CERT1: variants seen among roughly 807,000 people sequenced by gnomAD.
CERT1 encodes the protein ceramide transporter 1, also known as ceramide transfer protein.
CERT1 carries 31 observed loss-of-function variants against 87.9 expected under a neutral mutation model. The ratio of observed to expected loss-of-function variants is 0.35; its 90% CI spans 0.27 to 0.48. The LOEUF is 0.48. Among genes scored for constraint, CERT1 ranks in the 20% least tolerant of loss-of-function variants. The probability of loss-of-function intolerance (pLI) is 0.99; values close to 1 mark genes in which losing one functional copy is unlikely to be tolerated. For missense variants in CERT1, 487 were observed against 758.0 expected (o/e 0.64, Z 4.20); for synonymous variants, 289 against 250.9 (o/e 1.15, Z -1.44).
At chr5:75,403,184 GCAGT>G (rs1379269379) in intron 8 of CERT1, 126 bp from the exon 9 acceptor site, 38 of 664,736 alleles carry the variant, frequency 5.7e-5, no homozygotes, top group Non-Finnish European at 9.8e-5. Flanking sequence ...TATTTACAAA[GCAGT>G]CAGTATACTA....
intron 1 of CERT1, among the ~76,000 whole-genome samples, 189 bp downstream of exon 1, chr5:75,510,923 C>A (rs1292862258): frequency 1.3e-5 from 2 of 152,144 alleles, no homozygotes; most frequent in East Asian, 1.9e-4. Flanking sequence ...TCGGCTGCCC[C>A]CGACGAGCCC....
intron 3 of CERT1, among the ~76,000 whole-genome samples, chr5:75,456,684 A>G (rs986431118): frequency 6.6e-6 from 1 of 151,226 alleles, no homozygotes. Context: ...AAAAAAAAAA[A>G]AAGAAAGGGC....
intron 2 of CERT1, among the ~76,000 whole-genome samples, chr5:75,496,443 C>T (rs143989414): frequency 1.3e-5 from 2 of 152,256 alleles, no homozygotes; most frequent in African/African-American, 4.8e-5. Flanking sequence ...CATATACTTA[C>T]CTTACAACCT....
In CERT1 at chr5:75,389,624, A is replaced by G; in HGVS notation, c.1252T>C (p.Trp418Arg). The G allele has an allele frequency of 6.2e-7, 1 of 1,614,106 alleles. No individual in the cohort carries two copies. The highest frequency in any genetic ancestry group is 8.5e-7 in the Non-Finnish European group (1 of 1,179,966). Residue 418 changes from tryptophan to arginine, a missense_variant, in exon 12 of 17, where the codon TGG (tryptophan) becomes CGG (arginine). Physicochemically the swap from Trp to Arg is moderately radical, Grantham distance 101 (BLOSUM62 -3). Coordinates refer to ENST00000643780, the MANE Select transcript of CERT1 (RefSeq NM_001379029.1). Reference protein sequence around the residue: ...SLQDVGGDANWQLVVEEGEMK... With the variant: ...SLQDVGGDANRQLVVEEGEMK... ...TCTCCTTCTTCTACAACCAACTGCCAATTGGCATCTCCGCCTACATCCTGT... is the reference window on the plus strand; with the variant it reads ...TCTCCTTCTTCTACAACCAACTGCCGATTGGCATCTCCGCCTACATCCTGT...
intron 2 of CERT1, chr5:75,505,721 C>T (rs1204351866): frequency 4.1e-6 from 1 of 242,662 alleles, no homozygotes; most frequent in African/African-American, 2.2e-5. Context: ...AATAAAAAGG[C>T]TTCAAACATT....
At chr5:75,423,778 G>T (rs1196846897) in intron 5 of CERT1, among the ~76,000 whole-genome samples, 14 of 152,076 alleles carry the variant, frequency 9.2e-5, no homozygotes, top group Non-Finnish European at 2.1e-4. Flanking sequence ...AGTTAAATAT[G>T]CAAACTATAA....
At chr5:75,429,412 G>C (rs1478837919) in intron 3 of CERT1, among the ~76,000 whole-genome samples, 3 of 152,020 alleles carry the variant, frequency 2.0e-5, no homozygotes, top group Non-Finnish European at 4.4e-5. Flanking sequence ...ATGTTGGCCA[G>C]GCTAGTCTTC....
At position 75,436,234 on chromosome 5, in the gene CERT1, C is replaced by T. The variant is rs768591358; in HGVS notation, c.349-9756G>A. On this transcript the variant is annotated intron_variant, in intron 3 of 16. Transcript: ENST00000643780. ...ATTTTTAGTAGAGACAGAGTTTCAC[C>T]GTGTTAGCCAGGATGGTCTCGATCT... Among the ~76,000 whole-genome samples, 36 of 152,182 alleles carry T rather than the reference C, an allele frequency of 2.4e-4. No individual in the cohort carries two copies. The East Asian group carries it at 2.5e-3, about 11-fold the overall frequency.
chr5:75,482,888 A>G (rs182849748), intron 2 of CERT1, among the ~76,000 whole-genome samples: 7 of 152,256 alleles, frequency 4.6e-5, no homozygotes, highest in Non-Finnish European at 2.9e-5. Context: ...GTTCCCATTG[A>G]ACACTTGGAA....
intron 3 of CERT1, among the ~76,000 whole-genome samples, chr5:75,447,003 G>C (rs1469720695): frequency 6.6e-6 from 1 of 152,178 alleles, no homozygotes. Context: ...CTTGCAGTCA[G>C]AGCATAGATC....
At chr5:75,419,692 T>C (rs1763290994) in intron 5 of CERT1, among the ~76,000 whole-genome samples, 1 of 152,148 alleles carries the variant, frequency 6.6e-6, no homozygotes, top group African/African-American at 2.4e-5. Flanking sequence ...ATGATACAAT[T>C]ATTTCTTTTT....
intron 8 of CERT1, among the ~76,000 whole-genome samples, chr5:75,410,222 C>A (rs3889900): frequency 0.026 from 4,022 of 152,140 alleles, 151 homozygotes; most frequent in African/African-American, 0.087. Flanking sequence ...GATTTTATTA[C>A]CTGCTTAACA....
intron 2 of CERT1, among the ~76,000 whole-genome samples, chr5:75,476,922 A>T (rs1765981015): frequency 6.6e-6 from 1 of 152,192 alleles, no homozygotes; most frequent in Admixed American, 6.5e-5. Flanking sequence ...GGGAAAAAAA[A>T]ATCCAGTCAT....
chr5:75,398,010 C>A (rs1762325887), intron 11 of CERT1, among the ~76,000 whole-genome samples: 1 of 151,916 alleles, frequency 6.6e-6, no homozygotes, highest in South Asian at 2.1e-4. Flanking sequence ...CAGAGCAAGA[C>A]CCTGTCTCGA....
chr5:75,436,342 G>A (rs1256771274), intron 3 of CERT1, among the ~76,000 whole-genome samples: 1 of 152,090 alleles, frequency 6.6e-6, no homozygotes, highest in Non-Finnish European at 1.5e-5. Context: ...CACCTGTGTG[G>A]AAAATTCTTA....
intron 17 of CERT1, chr5:75,369,823 C>A (rs1367067674): frequency 2.6e-5 from 4 of 152,180 alleles, no homozygotes; most frequent in South Asian, 2.1e-4. Context: ...AATGAAGAGG[C>A]CAAATAAAGT....
At chr5:75,473,306 G>A (rs1030763963) in intron 2 of CERT1, among the ~76,000 whole-genome samples, 1 of 152,086 alleles carries the variant, frequency 6.6e-6, no homozygotes, top group African/African-American at 2.4e-5. Context: ...AAGCTGTCTT[G>A]AAGTCCTGGC....
chr5:75,420,369 A>C (rs982524885), intron 5 of CERT1, among the ~76,000 whole-genome samples: 2 of 142,104 alleles, frequency 1.4e-5, no homozygotes, highest in Admixed American at 7.1e-5. Flanking sequence ...TTTGAGGCGG[A>C]GTCTTGCTCT....
chr5:75,387,755 A>G (rs987421454), intron 12 of CERT1, among the ~76,000 whole-genome samples: 4 of 152,084 alleles, frequency 2.6e-5, no homozygotes, highest in Non-Finnish European at 5.9e-5. Context: ...AAAAAAGAAA[A>G]AAAAAAAAAG....
Sources: allele counts gnomAD v4.1 joint callset (sites outside exome capture counted in the v4.1 genomes callset), GRCh38; gene constraint gnomAD v4.1.1; transcripts MANE v1.5; gene names NCBI Gene and HGNC (gene_info 2026-07-23, HGNC 2026-07-21).